The following RABL2B variants were observed in gnomAD, a reference collection of about 807,000 sequenced individuals.
The protein encoded by RABL2B is rab-like protein 2B.
RABL2B carries 17 observed loss-of-function variants against 26.7 expected under a neutral mutation model. The observed-to-expected ratio is 0.64, with a 90% confidence interval of 0.44 to 0.95. RABL2B has a LOEUF of 0.95. Ranked by LOEUF, RABL2B falls within the 40% of genes least tolerant of loss-of-function variation. The pLI, the probability that RABL2B is intolerant of heterozygous loss-of-function variation, is 0.00. For synonymous variants in RABL2B, 70 were observed against 103.9 expected, an observed-to-expected ratio of 0.67 and a Z score of 1.99; for missense variants, 170 against 277.2, an observed-to-expected ratio of 0.61 and a Z score of 2.75.
At position 50,768,345 on chromosome 22, in the gene RABL2B, T is replaced by TG. The variant is rs529604962; in HGVS notation, c.*430dup. 111 of 235,936 alleles carry TG rather than the reference T, an allele frequency of 4.7e-4. No homozygotes were observed. The highest frequency in any genetic ancestry group is 7.7e-4 in the African/African-American group (30 of 38,960). 14.6% of individuals were successfully genotyped at this position (235,936 alleles called of 1,614,324 possible). On this transcript the variant is annotated 3_prime_UTR_variant, in exon 9 of 9. Coordinates refer to ENST00000691320, the MANE Select transcript of RABL2B (RefSeq NM_001130919.3). ...GGGGCCTCACAGACTCAGCTGTGGG[T>TG]GGGGGGGTAAATCATTACCTCAGGA...
intron 5 of RABL2B, among the ~76,000 whole-genome samples, chr22:50,774,383 C>G (rs571062315): frequency 0.019 from 2,880 of 150,994 alleles, 85 homozygotes; most frequent in African/African-American, 0.066. Context: ...CCACCGGGTT[C>G]TCTTTGGATA....
At chr22:50,778,676 C>A (rs1172255073) in intron 2 of RABL2B, among the ~76,000 whole-genome samples, 1 of 148,330 alleles carries the variant, frequency 6.7e-6, no homozygotes, top group Non-Finnish European at 1.5e-5. Flanking sequence ...CTGGCCATTT[C>A]CTCCTTTTGT....
chr22:50,776,403 C>T (rs2084990238), intron 4 of RABL2B, among the ~76,000 whole-genome samples: 2 of 152,224 alleles, frequency 1.3e-5, no homozygotes, highest in African/African-American at 2.4e-5. Context: ...GAGGTGGGTA[C>T]AGCCCCCTGA....
intron 8 of RABL2B, 47 bp from the exon 9 acceptor site, chr22:50,768,921 C>G (rs554149341): frequency 1.3e-6 from 2 of 1,593,186 alleles, no homozygotes; most frequent in East Asian, 2.3e-5. Flanking sequence ...TTTGCTCAAC[C>G]GCAGCTCTGA....
chr22:50,780,142 G>A (rs2085577044), intron 2 of RABL2B, among the ~76,000 whole-genome samples: 1 of 151,966 alleles, frequency 6.6e-6, no homozygotes, highest in Non-Finnish European at 1.5e-5. Context: ...GCCCAGGTCT[G>A]AGGTCACCTG....
chr22:50,781,238 C>A (rs2085794818), intron 2 of RABL2B, among the ~76,000 whole-genome samples: 1 of 150,566 alleles, frequency 6.6e-6, no homozygotes, highest in Non-Finnish European at 1.5e-5. Flanking sequence ...TAGCTACTCG[C>A]AAGGCTGTGG....
intron 5 of RABL2B, among the ~76,000 whole-genome samples, chr22:50,774,885 C>A (rs549765482): frequency 4.5e-4 from 68 of 152,078 alleles, no homozygotes; most frequent in African/African-American, 1.6e-3. Flanking sequence ...TCAAATGATT[C>A]TCCTGCCTCA....
At chr22:50,772,997 G>A in intron 5 of RABL2B, 1 of 1,285,402 alleles carries the variant, frequency 7.8e-7, no homozygotes, top group Non-Finnish European at 1.0e-6. Context: ...GCAGACTGGG[G>A]CTGGTGGCAG....
chr22:50,775,747 T>A (rs1555923098), intron 5 of RABL2B, 25 bp downstream of exon 5: 1 of 1,613,990 alleles, frequency 6.2e-7, no homozygotes, highest in South Asian at 1.1e-5. Context: ...CCAGTGCCTT[T>A]GTCCACCTCC....
intron 5 of RABL2B, among the ~76,000 whole-genome samples, chr22:50,775,209 T>A (rs1217413882): frequency 1.3e-5 from 2 of 152,214 alleles, no homozygotes; most frequent in Non-Finnish European, 2.9e-5. Flanking sequence ...ACAGAGCTCC[T>A]TTTTCCTTTC....
intron 5 of RABL2B, chr22:50,773,100 G>A (rs1555920156): frequency 1.6e-6 from 2 of 1,264,394 alleles, no homozygotes; most frequent in East Asian, 5.6e-5. Flanking sequence ...GCAGATGCAG[G>A]AAGCAGTCAC....
chr22:50,771,876 C>G (rs1424150805), intron 5 of RABL2B: 1 of 152,104 alleles, frequency 6.6e-6, no homozygotes, highest in East Asian at 1.9e-4. Context: ...TCCCAAATTT[C>G]TGGGATTACA....
intron 2 of RABL2B, 110 bp downstream of exon 2, chr22:50,782,078 C>G (rs1382321706): frequency 7.6e-7 from 1 of 1,311,732 alleles, no homozygotes; most frequent in African/African-American, 1.5e-5. Flanking sequence ...CCAGCCAAGA[C>G]TGCTCCTTCA....
At chr22:50,777,452 G>A (rs1555925269) in intron 3 of RABL2B, among the ~76,000 whole-genome samples, 1 of 143,154 alleles carries the variant, frequency 7.0e-6, no homozygotes, top group African/African-American at 2.6e-5. Context: ...GATCCACTTG[G>A]GAAGCTGTTT....
At position 50,767,980 on chromosome 22, in the gene RABL2B, C is replaced by T. The variant is rs1467837649; in HGVS notation, c.*796G>A. 8 of 313,044 alleles carry T rather than the reference C, an allele frequency of 2.6e-5. No homozygotes were observed. Among genetic ancestry groups the T allele is most frequent in the South Asian group, 7.0e-5 (3 of 42,998 alleles). 19.4% of individuals were successfully genotyped at this position (313,044 alleles called of 1,614,324 possible). A position where few individuals can be genotyped will look rare whatever the true frequency, so the allele number is the denominator to read the frequency against. ...TTAAAAACAGATGATTGGGGCCGGG[C>T]GCGGTGGCTCATGCCTGTAATCCCA... is the stretch of plus-strand genomic sequence containing the variant. On this transcript the variant is annotated 3_prime_UTR_variant, in exon 9 of 9. Transcript: ENST00000691320.
chr22:50,767,754 A>G lies in RABL2B; in HGVS notation c.*1022T>C. The G allele has an allele frequency of 2.2e-6, 1 of 454,618 alleles. No homozygotes were observed. The highest frequency in any genetic ancestry group is 4.4e-6 in the Non-Finnish European group (1 of 226,304). The allele number at this position is 454,618 out of a possible 1,614,324, so 28.2% of individuals were successfully genotyped here. A position where few individuals can be genotyped will look rare whatever the true frequency, so the allele number is the denominator to read the frequency against. On this transcript the variant is annotated 3_prime_UTR_variant, in exon 9 of 9. Transcript: ENST00000691320. ...CTTTATGCTGAAATAGGAACTTTAA[A>G]GGAAGCTCTTCTTGTAGTCCAAATG...
In RABL2B at chr22:50,769,986, T is replaced by C; in HGVS notation, c.328A>G (p.Arg110Gly). ...VFDVQRKVTY[R>G]NLSTWYTELR... ...TCTGTATACCAGGTGCTCAGGTTCC[T>C]ATAGGTGACTTTCCTCTGTACATCA... Residue 110 changes from arginine to glycine, a missense_variant, in exon 6 of 9, where the codon AGG becomes GGG. By Grantham distance (125) the Arg-to-Gly change is moderately radical. Coordinates refer to ENST00000691320, the MANE Select transcript of RABL2B (RefSeq NM_001130919.3). 4 of 1,613,886 alleles carry C rather than the reference T, an allele frequency of 2.5e-6. No homozygotes were observed. The highest frequency in any genetic ancestry group is 3.4e-6 in the Non-Finnish European group (4 of 1,179,858).
rs2084687100 is a variant in RABL2B at position 50,774,588 on chromosome 22, G to C, written c.297+1184C>G. Among the ~76,000 whole-genome samples, 2 of 149,108 alleles carry C rather than the reference G, an allele frequency of 1.3e-5. 1 individual carries two copies. The stretch of plus-strand genomic sequence containing the variant: ...TCTTCTTAGCTGAGACTTCAGACAT[G>C]GATTCCCGATCCATCAGAAAATGGT... On this transcript the variant is annotated intron_variant, in intron 5 of 8. Transcript: ENST00000691320.
intron 2 of RABL2B, among the ~76,000 whole-genome samples, chr22:50,781,343 C>CAA (rs1205230491): frequency 3.5e-4 from 21 of 59,608 alleles, no homozygotes; most frequent in African/African-American, 6.4e-4. Flanking sequence ...GACTCCGTCT[C>CAA]AAAAAAAAAA....
Sources: gnomAD v4.1 joint callset for allele counts (sites outside exome capture counted in the v4.1 genomes callset) on GRCh38, gnomAD v4.1.1 for gene constraint, MANE v1.5 for transcripts, NCBI Gene and HGNC (gene_info 2026-07-23, HGNC 2026-07-21) for gene names.